Variants in SPATA18 observed in about 807,000 individuals in gnomAD.
SPATA18 encodes spermatogenesis associated 18, also known as mitochondria-eating protein.
Under a neutral mutation model 68.1 loss-of-function variants are expected in SPATA18, and 54 were observed. That is an observed-to-expected ratio of 0.79 (90% CI 0.64 to 0.99). The LOEUF is 0.99. SPATA18 is among the 50% of genes least tolerant of loss of function. SPATA18 has a pLI of 0.00. For missense variants in SPATA18, 724 were observed against 681.1 expected (o/e 1.06, Z -0.70); for synonymous variants, 242 against 244.8 (o/e 0.99, Z 0.11).
intron 1 of SPATA18, among the ~76,000 whole-genome samples, 166 bp downstream of exon 1, chr4:52,051,957 G>A (rs1737917491): frequency 6.6e-6 from 1 of 152,324 alleles, no homozygotes; most frequent in South Asian, 2.1e-4. Flanking sequence ...GGGGAAGGAA[G>A]GACATGTGTG....
At chr4:52,084,811 C>T in intron 10 of SPATA18, 105 bp from the exon 11 acceptor site, 1 of 1,091,378 alleles carries the variant, frequency 9.2e-7, no homozygotes, top group Non-Finnish European at 1.4e-6. Context: ...CAAGTGTAAT[C>T]ACATAAGTAA....
chr4:52,093,069 T>C (rs1275187926), intron 11 of SPATA18, among the ~76,000 whole-genome samples: 2 of 151,792 alleles, frequency 1.3e-5, no homozygotes, highest in Non-Finnish European at 2.9e-5. Context: ...GTGATGAAAA[T>C]CTGTCCAGAA....
chr4:52,083,471 TGG>T, intron 10 of SPATA18: 3 of 985,408 alleles, frequency 3.0e-6, no homozygotes, highest in Non-Finnish European at 3.6e-6. Flanking sequence ...AGCCCTTAGC[TGG>T]GCATGGTGGC....
chr4:52,069,733 C>G, intron 4 of SPATA18, 88 bp from the exon 5 acceptor site: 1 of 846,650 alleles, frequency 1.2e-6, no homozygotes, highest in South Asian at 2.3e-5. Context: ...ATGTCATATA[C>G]CAGAAGTTCC....
rs1366156568 is a variant in SPATA18 at position 52,076,775 on chromosome 4, A to G, written c.759-4A>G. ...TTCCCTGGCTGATTCTCGCTCACCAACAGGTCCTCCAGGAGCCGGTCTCCC... is the reference window on the plus strand; with the variant it reads ...TTCCCTGGCTGATTCTCGCTCACCAGCAGGTCCTCCAGGAGCCGGTCTCCC... On this transcript the variant is annotated splice_region_variant and splice_polypyrimidine_tract_variant and intron_variant, in intron 6 of 12. Coordinates refer to ENST00000295213, the MANE Select transcript of SPATA18 (RefSeq NM_145263.4). The G allele has an allele frequency of 6.2e-7, 1 of 1,612,496 alleles. No homozygotes were observed. Among genetic ancestry groups the G allele is most frequent in the South Asian group, 1.1e-5 (1 of 90,928 alleles).
chr4:52,071,866 C>G (rs1739872745), intron 5 of SPATA18, 51 bp from the exon 6 acceptor site: 1 of 1,575,944 alleles, frequency 6.3e-7, no homozygotes, highest in Non-Finnish European at 8.6e-7. Flanking sequence ...TTCCTTCACT[C>G]CCTCCCCTCT....
At chr4:52,080,051 C>A in intron 9 of SPATA18, 132 bp downstream of exon 9, 1 of 927,808 alleles carries the variant, frequency 1.1e-6, no homozygotes, top group Non-Finnish European at 1.6e-6. Context: ...TCAGGCCCTA[C>A]CATATACTTC....
chr4:52,054,565 C>T (rs561285461), intron 1 of SPATA18, among the ~76,000 whole-genome samples: 2 of 152,128 alleles, frequency 1.3e-5, no homozygotes, highest in East Asian at 3.9e-4. Flanking sequence ...TACGTTCATC[C>T]TATATTCATT....
intron 4 of SPATA18, among the ~76,000 whole-genome samples, chr4:52,066,897 C>T (rs1739365156): frequency 6.6e-6 from 1 of 152,192 alleles, no homozygotes; most frequent in Non-Finnish European, 1.5e-5. Flanking sequence ...TTTATTCAGT[C>T]CATCATTGAT....
intron 11 of SPATA18, among the ~76,000 whole-genome samples, chr4:52,091,715 G>T (rs765976713): frequency 2.6e-5 from 4 of 152,208 alleles, no homozygotes; most frequent in Non-Finnish European, 4.4e-5. Flanking sequence ...GTTGGCCCCA[G>T]TTGGGAGGTG....
chr4:52,096,423 C>G lies in SPATA18; in HGVS notation c.*1536C>G, dbSNP rs1309026975. 2 of 151,858 alleles carry G rather than the reference C, an allele frequency of 1.3e-5. No individual in the cohort carries two copies. Among genetic ancestry groups the G allele is most frequent in the Non-Finnish European group, 2.9e-5 (2 of 67,992 alleles). The allele number at this position is 151,858 out of a possible 1,614,324, so 9.4% of individuals were successfully genotyped here. On this transcript the variant is annotated 3_prime_UTR_variant, in exon 13 of 13. Transcript: ENST00000295213. The stretch of plus-strand genomic sequence containing the variant: ...TCTTAACCCTGCAGACTCAATGTTC[C>G]CTTTTATAACAAGTATTTTATTCTG...
At chr4:52,082,609 A>C in intron 10 of SPATA18, 99 bp downstream of exon 10, 1 of 1,605,770 alleles carries the variant, frequency 6.2e-7, no homozygotes. Flanking sequence ...AAGTTTATAA[A>C]GAGTTGATAA....
chr4:52,070,880 TG>T (rs34959256), intron 5 of SPATA18, among the ~76,000 whole-genome samples: 12,576 of 143,682 alleles, frequency 0.088, 1,316 homozygotes, highest in African/African-American at 0.27. Context: ...AAAGAGTAAG[TG>T]GGGGGGGGGG....
intron 10 of SPATA18, among the ~76,000 whole-genome samples, chr4:52,084,639 A>G (rs909036953): frequency 1.3e-5 from 2 of 152,208 alleles, no homozygotes; most frequent in Non-Finnish European, 2.9e-5. Context: ...GTAATTTCCA[A>G]TAGCTTACTC....
At chr4:52,085,032 T>C in intron 11 of SPATA18, 33 bp downstream of exon 11, 2 of 1,518,320 alleles carry the variant, frequency 1.3e-6, no homozygotes, top group Non-Finnish European at 1.8e-6. Flanking sequence ...TTACACAAAA[T>C]TCATCTATGG....
intron 11 of SPATA18, among the ~76,000 whole-genome samples, chr4:52,094,127 A>T (rs1407518042): frequency 6.6e-6 from 1 of 152,182 alleles, no homozygotes. Context: ...TAAAGGTGAG[A>T]TTTGAAAGAT....
Position 52,051,333 on chromosome 4 carries a change from C to A in SPATA18, c.-372C>A. 1 of 199,474 alleles carries A rather than the reference C, an allele frequency of 5.0e-6. No homozygotes were observed. Among genetic ancestry groups the A allele is most frequent in the East Asian group, 1.4e-4 (1 of 6,992 alleles). 12.4% of individuals were successfully genotyped at this position (199,474 alleles called of 1,614,324 possible). On this transcript the variant is annotated 5_prime_UTR_variant, in exon 1 of 13. Transcript: ENST00000295213. ...CACCCCTGGGGCGCGCGGCTGTCACCCAGGGCGGGGCGGCGCGGGCGTTGC... is the reference window on the plus strand; with the variant it reads ...CACCCCTGGGGCGCGCGGCTGTCACACAGGGCGGGGCGGCGCGGGCGTTGC...
At position 52,081,599 on chromosome 4, in the gene SPATA18, C is replaced by T. The variant is rs114972147; in HGVS notation, c.1356-788C>T. Among the ~76,000 whole-genome samples the T allele has an allele frequency of 1.5e-3, 233 of 152,286 alleles. 1 individual carries two copies. Among genetic ancestry groups the T allele is most frequent in the African/African-American group, 5.5e-3 (230 of 41,556 alleles). On this transcript the variant is annotated intron_variant, in intron 9 of 12. Transcript: ENST00000295213. The stretch of plus-strand genomic sequence containing the variant: ...ATTCTCCATTAATTCAGCTAACTTA[C>T]AGTAGTTTTTCTTTCTTTTTTAGCC...
Position 52,051,515 on chromosome 4 carries a change from C to G in SPATA18, c.-190C>G. ...GAGGCGCGGCGGCTGCGGCCCAGGGCACCTCCCCTCTGGCTTCCCGAACCC... is the reference window on the plus strand; with the variant it reads ...GAGGCGCGGCGGCTGCGGCCCAGGGGACCTCCCCTCTGGCTTCCCGAACCC... On this transcript the variant is annotated 5_prime_UTR_variant, in exon 1 of 13. Coordinates refer to ENST00000295213, the MANE Select transcript of SPATA18 (RefSeq NM_145263.4). 1.6e-6 allele frequency: 1 copy of G among 606,770 alleles called. No homozygotes were observed. Among genetic ancestry groups the G allele is most frequent in the South Asian group, 2.0e-5 (1 of 49,550 alleles). The allele number at this position is 606,770 out of a possible 1,614,324, so 37.6% of individuals were successfully genotyped here. A position where few individuals can be genotyped will look rare whatever the true frequency, so the allele number is the denominator to read the frequency against.
Sources: gnomAD v4.1 joint callset for allele counts (sites outside exome capture counted in the v4.1 genomes callset) on GRCh38, gnomAD v4.1.1 for gene constraint, MANE v1.5 for transcripts, NCBI Gene and HGNC (gene_info 2026-07-23, HGNC 2026-07-21) for gene names.